Variants in RANBP2 observed in about 807,000 individuals in gnomAD.
The protein encoded by RANBP2 is E3 SUMO-protein ligase RanBP2.
In RANBP2, 57 loss-of-function variants were observed where a neutral mutation model predicts 303.6. The ratio of observed to expected loss-of-function variants is 0.19; its 90% CI spans 0.15 to 0.23. RANBP2 has a LOEUF of 0.23. Among genes scored for constraint, RANBP2 ranks in the 10% least tolerant of loss-of-function variants. RANBP2 has a pLI of 1.00. For missense variants in RANBP2, 3,138 were observed against 3,780.8 expected (o/e 0.83, Z 4.46); for synonymous variants, 1,167 against 1,301.5 (o/e 0.90, Z 2.23).
At chr2:109,718,949 G>T in the RANBP2 span, among the ~76,000 whole-genome samples, 14 of 142,958 alleles carry the variant, frequency 9.8e-5, no homozygotes, top group African/African-American at 3.3e-4. Context: ...GTCAGAGGTT[G>T]CAGTGAGCTG....
chr2:109,101,598 ACAGTATTCC>A, the RANBP2 span, among the ~76,000 whole-genome samples: 2 of 152,330 alleles, frequency 1.3e-5, no homozygotes, highest in East Asian at 3.9e-4. Flanking sequence ...CAATCCATCA[ACAGTATTCC>A]CATAGTTACT....
chr2:109,544,942 C>A, the RANBP2 span: 9 of 984,230 alleles, frequency 9.1e-6, no homozygotes, highest in Non-Finnish European at 9.6e-6. Flanking sequence ...AACAAACAAA[C>A]AAACAAAAAT....
the RANBP2 span, chr2:108,910,642 G>C: frequency 7.2e-7 from 1 of 1,398,468 alleles, no homozygotes; most frequent in Non-Finnish European, 1.0e-6. Context: ...GTGTCTGTGT[G>C]GCACCACCCC....
chr2:109,617,591 A>G, the RANBP2 span: 4 of 167,034 alleles, frequency 2.4e-5, no homozygotes, highest in Admixed American at 2.6e-4. Flanking sequence ...TGCAGCCTAC[A>G]GGATAAGGAA....
chr2:109,202,051 G>A, the RANBP2 span, among the ~76,000 whole-genome samples: 1,757 of 152,324 alleles, frequency 0.012, 31 homozygotes, highest in African/African-American at 0.039. Flanking sequence ...AGCCTGGCTG[G>A]GTCTCGTGAC....
chr2:108,889,792 AT>A, the RANBP2 span, among the ~76,000 whole-genome samples: 1 of 152,070 alleles, frequency 6.6e-6, no homozygotes, highest in African/African-American at 2.4e-5. Context: ...GTTCACAGTT[AT>A]TGATATGTGA....
At chr2:109,126,074 G>C in the RANBP2 span, among the ~76,000 whole-genome samples, 73 of 152,352 alleles carry the variant, frequency 4.8e-4, no homozygotes, top group African/African-American at 1.4e-3. Flanking sequence ...CATTCCCCCA[G>C]GGCTGGAGCT....
the RANBP2 span, among the ~76,000 whole-genome samples, chr2:109,160,384 A>C: frequency 1.3e-5 from 2 of 152,342 alleles, no homozygotes; most frequent in Middle Eastern, 6.8e-3. Flanking sequence ...AAAGCAGGGC[A>C]GGGCTAAAGT....
the RANBP2 span, among the ~76,000 whole-genome samples, chr2:109,517,389 G>A: frequency 6.6e-6 from 1 of 152,204 alleles, no homozygotes; most frequent in Non-Finnish European, 1.5e-5. Flanking sequence ...GTCAACCTGA[G>A]GCTTGCAGGA....
chr2:108,741,383 A>T (rs896589369), intron 7 of RANBP2, among the ~76,000 whole-genome samples: 54 of 147,124 alleles, frequency 3.7e-4, no homozygotes, highest in African/African-American at 1.3e-3. Context: ...TTTTTAATAG[A>T]GATGGCGTTT....
chr2:108,817,351 G>A, the RANBP2 span, among the ~76,000 whole-genome samples: 1 of 151,678 alleles, frequency 6.6e-6, no homozygotes, highest in Admixed American at 6.6e-5. Context: ...GGAGTGCAGT[G>A]GTGCCATCTT....
the RANBP2 span, among the ~76,000 whole-genome samples, chr2:109,124,025 T>TATG: frequency 2.6e-5 from 4 of 151,456 alleles, no homozygotes; most frequent in East Asian, 7.7e-4. Context: ...TATTTATTAT[T>TATG]TTTTTGACAC....
At chr2:108,839,360 T>A in the RANBP2 span, 4,934 of 1,390,300 alleles carry the variant, frequency 3.5e-3, 137 homozygotes, top group African/African-American at 0.064. Flanking sequence ...TACTTCTTGA[T>A]CTTGTTTCAC....
intron 23 of RANBP2, 160 bp from the exon 24 acceptor site, chr2:108,775,572 A>G (rs993848182): frequency 2.1e-5 from 4 of 186,928 alleles, no homozygotes; most frequent in Non-Finnish European, 4.0e-5. Flanking sequence ...GTTTCAGTGT[A>G]GGCATTTAGT....
At chr2:108,721,781 T>C (rs534150782) in intron 1 of RANBP2, among the ~76,000 whole-genome samples, 1 of 152,150 alleles carries the variant, frequency 6.6e-6, no homozygotes, top group Non-Finnish European at 1.5e-5. Flanking sequence ...TCTTTCTGTC[T>C]CCCAGGCTGG....
the RANBP2 span, among the ~76,000 whole-genome samples, chr2:108,840,264 CTT>C: frequency 2.0e-5 from 3 of 151,818 alleles, no homozygotes; most frequent in East Asian, 1.9e-4. Flanking sequence ...TTGTTAAGGA[CTT>C]TTGTTTCTAT....
chr2:109,311,453 C>T, the RANBP2 span, among the ~76,000 whole-genome samples: 1 of 147,208 alleles, frequency 6.8e-6, no homozygotes, highest in Non-Finnish European at 1.5e-5. Context: ...TGCCCTCTCT[C>T]ACCACTCCTA....
At chr2:108,774,613 C>T (rs1213394798) in intron 23 of RANBP2, among the ~76,000 whole-genome samples, 1 of 151,910 alleles carries the variant, frequency 6.6e-6, no homozygotes, top group African/African-American at 2.4e-5. Context: ...GAAACCACGT[C>T]TGGAGTTTTC....
At chr2:108,842,378 A>G in the RANBP2 span, among the ~76,000 whole-genome samples, 5 of 152,066 alleles carry the variant, frequency 3.3e-5, no homozygotes, top group Non-Finnish European at 7.4e-5. Context: ...TGGGAGTTAC[A>G]TGGCAAACCT....
Sources: allele counts gnomAD v4.1 joint callset (sites outside exome capture counted in the v4.1 genomes callset), GRCh38; gene constraint gnomAD v4.1.1; transcripts MANE v1.5; gene names NCBI Gene and HGNC (gene_info 2026-07-23, HGNC 2026-07-21).